Variants in ANKRD13A observed in about 807,000 individuals in gnomAD.
ANKRD13A encodes ankyrin repeat domain-containing protein 13A.
ANKRD13A carries 48 observed loss-of-function variants against 81.3 expected under a neutral mutation model. That is an observed-to-expected ratio of 0.59 (90% confidence interval 0.47 to 0.75). The LOEUF is 0.75. Ranked by LOEUF, ANKRD13A falls within the 30% of genes least tolerant of loss-of-function variation. ANKRD13A has a pLI of 0.00. For synonymous variants in ANKRD13A, 230 were observed against 270.1 expected, an observed-to-expected ratio of 0.85 and a Z score of 1.45; for missense variants, 612 against 734.0, an observed-to-expected ratio of 0.83 and a Z score of 1.92.
chr12:110,010,379 G>A (rs547677215), intron 1 of ANKRD13A, among the ~76,000 whole-genome samples: 2 of 152,146 alleles, frequency 1.3e-5, no homozygotes, highest in South Asian at 2.1e-4. Context: ...TAATGAGTTT[G>A]CTAATTATTT....
chr12:110,011,607 A>G (rs1179026504), intron 1 of ANKRD13A, among the ~76,000 whole-genome samples: 4 of 152,216 alleles, frequency 2.6e-5, no homozygotes, highest in Admixed American at 6.5e-5. Context: ...TATACTTCCT[A>G]TTCTAGACTT....
chr12:110,012,507 C>T (rs1184001117), intron 2 of ANKRD13A, among the ~76,000 whole-genome samples: 1 of 152,166 alleles, frequency 6.6e-6, no homozygotes, highest in East Asian at 1.9e-4. Context: ...CAGGATGATG[C>T]AGGTTGCGTC....
chr12:109,999,542 G>A lies in ANKRD13A; in HGVS notation c.-147G>A. The A allele has an allele frequency of 2.0e-6, 1 of 497,876 alleles. No individual in the cohort carries two copies. The highest frequency in any genetic ancestry group is 3.1e-6 in the Non-Finnish European group (1 of 325,904). 30.8% of individuals were successfully genotyped at this position (497,876 alleles called of 1,614,324 possible). On this transcript the variant is annotated 5_prime_UTR_variant, in exon 1 of 15. Transcript: ENST00000261739. The surrounding 1 kb of genome is among the most constrained non-coding windows in gnomAD (Gnocchi z 4.3). ...CGACCCCGGACCTCCCGCGCGCCCCGCACCCGACCGGCTCAGCCGGCCGGC... is the reference window on the plus strand; with the variant it reads ...CGACCCCGGACCTCCCGCGCGCCCCACACCCGACCGGCTCAGCCGGCCGGC...
At chr12:110,025,930 T>G in intron 8 of ANKRD13A, 107 bp downstream of exon 8, 1 of 930,420 alleles carries the variant, frequency 1.1e-6, no homozygotes, top group Non-Finnish European at 1.6e-6. Flanking sequence ...TTGGGTTGTG[T>G]TAAGCCTAAC....
chr12:110,030,227 C>T (rs1891596441), intron 11 of ANKRD13A, among the ~76,000 whole-genome samples: 1 of 151,518 alleles, frequency 6.6e-6, no homozygotes, highest in Non-Finnish European at 1.5e-5. Context: ...AATGAAGTGG[C>T]ATGATCTTGG....
chr12:110,029,448 C>T (rs762887689), intron 10 of ANKRD13A, 30 bp from the exon 11 acceptor site: 8 of 1,599,626 alleles, frequency 5.0e-6, no homozygotes, highest in African/African-American at 2.7e-5. Context: ...GTGGAGATGA[C>T]CTCAGTCTTT....
chr12:110,000,321 T>A (rs1211124244), intron 1 of ANKRD13A, among the ~76,000 whole-genome samples: 3 of 152,178 alleles, frequency 2.0e-5, no homozygotes, highest in Non-Finnish European at 2.9e-5. Flanking sequence ...ATGTTGGTGC[T>A]GGGGCAGAAC....
At chr12:110,007,612 T>A (rs550330553) in intron 1 of ANKRD13A, among the ~76,000 whole-genome samples, 62 of 152,342 alleles carry the variant, frequency 4.1e-4, no homozygotes, top group African/African-American at 1.5e-3. Context: ...ACTCCCGACC[T>A]CAGGTGATCC....
rs1180407982 is a variant in ANKRD13A, at chr12:110,037,991, A to T, written c.*437A>T. ...AAAGTGTGATCTATGAGAATTGGAG[A>T]CACTTCTTTACTGTTCACCAAAGAA... On this transcript the variant is annotated 3_prime_UTR_variant, in exon 15 of 15. Coordinates refer to ENST00000261739, the MANE Select transcript of ANKRD13A (RefSeq NM_033121.2). 1.3e-5 allele frequency: 2 copies of T among 155,466 alleles called. No individual in the cohort carries two copies. Among genetic ancestry groups the T allele is most frequent in the African/African-American group, 2.4e-5 (1 of 41,468 alleles). 9.6% of individuals were successfully genotyped at this position (155,466 alleles called of 1,614,324 possible). A position where few individuals can be genotyped will look rare whatever the true frequency, so the allele number is the denominator to read the frequency against.
Position 110,036,443 on chromosome 12 carries a change from C to A in ANKRD13A, c.1577+115C>A. ...TCAGGCAGATGTACGGTGCCACAAA[C>A]TGGCAGGAAAGACTAGAAAAAGTAG... is the stretch of plus-strand genomic sequence containing the variant. On this transcript the variant is annotated intron_variant, in intron 14 of 14. Coordinates refer to ENST00000261739, the MANE Select transcript of ANKRD13A (RefSeq NM_033121.2). The surrounding 1 kb of genome is among the most constrained non-coding windows in gnomAD (Gnocchi z 4.6). 8.8e-7 allele frequency: 1 copy of A among 1,136,926 alleles called. No homozygotes were observed. The highest frequency in any genetic ancestry group is 1.3e-6 in the Non-Finnish European group (1 of 752,778). The allele number at this position is 1,136,926 out of a possible 1,614,324, so 70.4% of individuals were successfully genotyped here.
intron 1 of ANKRD13A, among the ~76,000 whole-genome samples, chr12:110,002,838 G>C (rs1890050571): frequency 6.6e-6 from 1 of 152,150 alleles, no homozygotes; most frequent in African/African-American, 2.4e-5. Context: ...AGTTTATCCA[G>C]ATGAAGAGGA....
At chr12:110,025,583 A>G (rs903466268) in intron 7 of ANKRD13A, among the ~76,000 whole-genome samples, 159 bp from the exon 8 acceptor site, 22 of 152,194 alleles carry the variant, frequency 1.4e-4, no homozygotes, top group African/African-American at 4.8e-4. Context: ...GATAGTTTAT[A>G]TACTTTCTCT....
intron 4 of ANKRD13A, 82 bp downstream of exon 4, chr12:110,016,515 G>A: frequency 7.5e-7 from 1 of 1,335,588 alleles, no homozygotes. Context: ...CTTTGTAAAA[G>A]TTACATGTAT....
chr12:110,019,769 A>ATGTTTGTT (rs372570020), intron 6 of ANKRD13A, among the ~76,000 whole-genome samples: 13 of 151,980 alleles, frequency 8.6e-5, no homozygotes, highest in South Asian at 2.1e-4. Flanking sequence ...ATATAGTTAA[A>ATGTTTGTT]TGTTTGTTTG....
chr12:110,029,755 C>T, intron 11 of ANKRD13A, 120 bp downstream of exon 11: 4 of 1,159,338 alleles, frequency 3.5e-6, no homozygotes, highest in Non-Finnish European at 5.0e-6. Flanking sequence ...AGCTTATAGA[C>T]ATAACAGAGG....
intron 13 of ANKRD13A, among the ~76,000 whole-genome samples, chr12:110,035,416 G>A (rs1234225965): frequency 2.0e-5 from 3 of 152,026 alleles, no homozygotes; most frequent in Admixed American, 2.0e-4. Context: ...ACCAGCCTGG[G>A]CAACATAGTG....
At position 109,999,638 on chromosome 12, in the gene ANKRD13A, G is replaced by A; in HGVS notation, c.-51G>A. The A allele has an allele frequency of 1.4e-6, 2 of 1,444,686 alleles. No individual in the cohort carries two copies. The highest frequency in any genetic ancestry group is 1.3e-5 in the South Asian group (1 of 76,588). 89.5% of individuals were successfully genotyped at this position (1,444,686 alleles called of 1,614,324 possible). On this transcript the variant is annotated 5_prime_UTR_variant, in exon 1 of 15. Transcript: ENST00000261739. The surrounding 1 kb of genome is among the most constrained non-coding windows in gnomAD (Gnocchi z 4.3). ...GCAGGCGGGCGCGGGAGACCCCGCC[G>A]GGGCCGAGACTTGGGGCGGGCGACG...
intron 6 of ANKRD13A, chr12:110,021,649 T>G (rs1467528126): frequency 6.6e-6 from 1 of 152,374 alleles, no homozygotes; most frequent in Non-Finnish European, 1.5e-5. Context: ...GGTCTTGAAT[T>G]CCTGGCCTCA....
At chr12:110,020,127 A>G (rs1891007014) in intron 6 of ANKRD13A, among the ~76,000 whole-genome samples, 1 of 152,156 alleles carries the variant, frequency 6.6e-6, no homozygotes, top group African/African-American at 2.4e-5. Flanking sequence ...TCATCCTGAT[A>G]GTATTTGCCT....
Sources: gnomAD v4.1 joint callset for allele counts (sites outside exome capture counted in the v4.1 genomes callset) on GRCh38, gnomAD v4.1.1 for gene constraint, Gnocchi (gnomAD v3.1) non-coding constraint, MANE v1.5 for transcripts, NCBI Gene and HGNC (gene_info 2026-07-23, HGNC 2026-07-21) for gene names.